NSMCE2: variants seen among roughly 807,000 people sequenced by gnomAD.
The protein encoded by NSMCE2 is NSE2 SUMO ligase component of SMC5/6 complex, also known as E3 SUMO-protein ligase NSE2.
Under a neutral mutation model 23.8 loss-of-function variants are expected in NSMCE2, and 24 were observed. That is an observed-to-expected ratio of 1.01 (90% CI 0.73 to 1.42). The LOEUF (loss-of-function observed/expected upper bound fraction) is 1.42. Ranked by LOEUF, NSMCE2 falls within the 40% of genes most tolerant of loss-of-function variation. The pLI is 0.00. For synonymous variants in NSMCE2, 92 were observed against 94.1 expected (o/e 0.98, Z 0.13); for missense variants, 284 against 296.5 (o/e 0.96, Z 0.31).
chr8:125,330,454 G>T (rs1829835290), intron 5 of NSMCE2, among the ~76,000 whole-genome samples: 1 of 152,042 alleles, frequency 6.6e-6, no homozygotes, highest in Non-Finnish European at 1.5e-5. Context: ...GCGATTACAG[G>T]TGTCAGTCAC....
At chr8:125,316,687 CTTCCTT>C (rs2131253053) in intron 5 of NSMCE2, among the ~76,000 whole-genome samples, 1 of 58,996 alleles carries the variant, frequency 1.7e-5, no homozygotes, top group African/African-American at 4.2e-5. Flanking sequence ...TCCTTCTTAT[CTTCCTT>C]CTTTCCTTCC....
intron 4 of NSMCE2, among the ~76,000 whole-genome samples, chr8:125,164,188 C>A (rs898980797): frequency 6.6e-6 from 1 of 152,178 alleles, no homozygotes; most frequent in Non-Finnish European, 1.5e-5. Flanking sequence ...CTTTCAGGTC[C>A]CCAATCCCTT....
rs1201155895 is a variant in NSMCE2, at chr8:125,348,198, T to G, written c.419-9021T>G. 2.0e-5 allele frequency: 3 copies of G among 152,288 alleles called. No homozygotes were observed. In the South Asian group the frequency reaches 6.2e-4, roughly 32 times the overall value. The allele number at this position is 152,288 out of a possible 1,614,324, so 9.4% of individuals were successfully genotyped here. A position where few individuals can be genotyped will look rare whatever the true frequency, so the allele number is the denominator to read the frequency against. On this transcript the variant is annotated intron_variant, in intron 5 of 7. Transcript: ENST00000287437. ...AATAATAATAATAGCAGTAACAATT[T>G]TATAATTACAGAAGTATATAATGTT...
At chr8:125,304,364 T>C (rs1387103517) in intron 5 of NSMCE2, among the ~76,000 whole-genome samples, 1 of 151,952 alleles carries the variant, frequency 6.6e-6, no homozygotes, top group Non-Finnish European at 1.5e-5. Flanking sequence ...CCTGTGAAGG[T>C]TTTTAGCAGA....
At chr8:125,355,040 T>A (rs7835771) in intron 5 of NSMCE2, among the ~76,000 whole-genome samples, 101,766 of 152,094 alleles carry the variant, frequency 0.67, 34,979 homozygotes, top group Admixed American at 0.77. Flanking sequence ...TCATGTTTAG[T>A]CTTGGGTCCC....
At chr8:125,150,927 A>G (rs1406719188) in intron 3 of NSMCE2, among the ~76,000 whole-genome samples, 1 of 152,046 alleles carries the variant, frequency 6.6e-6, no homozygotes, top group Non-Finnish European at 1.5e-5. Context: ...TTTCCAACCT[A>G]CCACTGCCTT....
chr8:125,327,648 GGT>G (rs1412246093), intron 5 of NSMCE2, among the ~76,000 whole-genome samples: 1 of 151,418 alleles, frequency 6.6e-6, no homozygotes, highest in Non-Finnish European at 1.5e-5. Context: ...TGTCCATACA[GGT>G]GTTGGGCACA....
chr8:125,154,698 T>C (rs1216939772), intron 4 of NSMCE2, among the ~76,000 whole-genome samples: 2 of 152,152 alleles, frequency 1.3e-5, no homozygotes, highest in African/African-American at 2.4e-5. Flanking sequence ...ATATGAACTT[T>C]TTTGATATTT....
intron 5 of NSMCE2, among the ~76,000 whole-genome samples, chr8:125,339,245 C>T (rs1830159399): frequency 6.6e-6 from 1 of 152,102 alleles, no homozygotes; most frequent in Non-Finnish European, 1.5e-5. Context: ...GGAGTGAGCT[C>T]CCCACACTGC....
intron 7 of NSMCE2, 26 bp from the exon 8 acceptor site, chr8:125,366,742 G>A (rs773357975): frequency 7.4e-6 from 10 of 1,344,522 alleles, no homozygotes; most frequent in Non-Finnish European, 1.1e-5. Context: ...AAAGGGGACT[G>A]ACTTGATGTT....
intron 5 of NSMCE2, among the ~76,000 whole-genome samples, chr8:125,262,107 A>G (rs1005512451): frequency 6.6e-6 from 1 of 150,432 alleles, no homozygotes; most frequent in African/African-American, 2.4e-5. Context: ...AAAATAAAAT[A>G]AAATAAAATA....
At chr8:125,338,845 C>T (rs1046532887) in intron 5 of NSMCE2, among the ~76,000 whole-genome samples, 4 of 152,108 alleles carry the variant, frequency 2.6e-5, no homozygotes, top group Admixed American at 1.3e-4. Flanking sequence ...TGACAAGGAC[C>T]GAATTAGGCT....
intron 5 of NSMCE2, among the ~76,000 whole-genome samples, chr8:125,267,003 C>CTT (rs35990794): frequency 0.12 from 13,926 of 111,900 alleles, 1,480 homozygotes; most frequent in South Asian, 0.17. Flanking sequence ...TTTTTTCTTT[C>CTT]TTTTTTTTTT....
intron 5 of NSMCE2, among the ~76,000 whole-genome samples, chr8:125,243,140 G>T (rs956435815): frequency 6.6e-6 from 1 of 152,166 alleles, no homozygotes; most frequent in Non-Finnish European, 1.5e-5. Flanking sequence ...GAAAATGTAT[G>T]ATGCAGTTGA....
At chr8:125,356,242 G>T (rs1015401217) in intron 5 of NSMCE2, among the ~76,000 whole-genome samples, 2 of 151,794 alleles carry the variant, frequency 1.3e-5, no homozygotes, top group East Asian at 1.9e-4. Context: ...GTATGGGGGG[G>T]GGTGTTCTGG....
Position 125,137,790 on chromosome 8 carries a change from T to G in NSMCE2, c.158-13381T>G, listed in dbSNP as rs573988541. Among the ~76,000 whole-genome samples the G allele has an allele frequency of 1.7e-4, 26 of 152,346 alleles. No individual in the cohort carries two copies. The South Asian group carries it at 2.3e-3, about 13-fold the overall frequency. On this transcript the variant is annotated intron_variant, in intron 3 of 7. Coordinates refer to ENST00000287437, the MANE Select transcript of NSMCE2 (RefSeq NM_173685.4). Reference sequence around the variant, plus strand: ...GCAGCTTATTACTATATGACTTTAGTTCAAGGTACTTAACCTCTCTGAGCC... The same window carrying G: ...GCAGCTTATTACTATATGACTTTAGGTCAAGGTACTTAACCTCTCTGAGCC...
intron 5 of NSMCE2, among the ~76,000 whole-genome samples, chr8:125,216,222 T>C (rs1824575593): frequency 6.6e-6 from 1 of 152,256 alleles, no homozygotes; most frequent in Admixed American, 6.5e-5. Context: ...TATCTGTCAA[T>C]GGACATTTGC....
At chr8:125,280,431 T>G (rs1827644945) in intron 5 of NSMCE2, among the ~76,000 whole-genome samples, 1 of 152,232 alleles carries the variant, frequency 6.6e-6, no homozygotes, top group Non-Finnish European at 1.5e-5. Context: ...GCTAAGCCTA[T>G]TACATTCTTT....
At chr8:125,126,328 G>A (rs112124235) in intron 3 of NSMCE2, among the ~76,000 whole-genome samples, 2,914 of 151,058 alleles carry the variant, frequency 0.019, 84 homozygotes, top group African/African-American at 0.068. Context: ...CCGAGATTGC[G>A]CCATAGCACT....
Sources: gnomAD v4.1 joint callset for allele counts (sites outside exome capture counted in the v4.1 genomes callset) on GRCh38, gnomAD v4.1.1 for gene constraint, MANE v1.5 for transcripts, NCBI Gene and HGNC (gene_info 2026-07-23, HGNC 2026-07-21) for gene names.